Variants in TTC39B observed in about 807,000 individuals in gnomAD.
TTC39B encodes the protein tetratricopeptide repeat domain 39B.
A neutral mutation model predicts 96.6 loss-of-function variants in TTC39B; 92 were observed. That is an observed-to-expected ratio of 0.95 (90% CI 0.80 to 1.13). The LOEUF is 1.13. TTC39B is among the 50% of genes most tolerant of loss of function. The pLI, the probability that TTC39B is intolerant of heterozygous loss-of-function variation, is 0.00. For missense variants in TTC39B, 955 were observed against 809.3 expected, an observed-to-expected ratio of 1.18 and a Z score of -2.18; for synonymous variants, 367 against 299.4, an observed-to-expected ratio of 1.23 and a Z score of -2.33.
chr9:15,212,350 A>G (rs1820252739), intron 4 of TTC39B, among the ~76,000 whole-genome samples: 1 of 150,224 alleles, frequency 6.7e-6, no homozygotes, highest in South Asian at 2.1e-4. Context: ...TTCAAACCTC[A>G]CATTTTTAAC....
chr9:15,192,674 A>C (rs1818925183), exon 9 of TTC39B: 1 of 1,613,924 alleles, frequency 6.2e-7, no homozygotes, highest in Non-Finnish European at 8.5e-7. Context: ...TCTGAATTTC[A>C]TGCAGGATAG....
intron 6 of TTC39B, 95 bp from the exon 7 acceptor site, chr9:15,203,985 A>G: frequency 8.9e-7 from 1 of 1,119,352 alleles, no homozygotes; most frequent in Non-Finnish European, 1.2e-6. Flanking sequence ...AAATGAACCC[A>G]AGAGAGACCC....
intron 1 of TTC39B, among the ~76,000 whole-genome samples, chr9:15,298,071 G>A (rs111538916): frequency 2.4e-4 from 36 of 152,204 alleles, no homozygotes; most frequent in African/African-American, 8.4e-4. Flanking sequence ...GATAGAACAA[G>A]AAGACAGAGG....
intron 1 of TTC39B, among the ~76,000 whole-genome samples, chr9:15,305,693 T>C (rs1261746417): frequency 6.7e-6 from 1 of 150,322 alleles, no homozygotes; most frequent in African/African-American, 2.5e-5. Context: ...GGCTAATGCA[T>C]CTCAACCGTT....
chr9:15,262,113 T>A (rs1822968629), intron 2 of TTC39B, among the ~76,000 whole-genome samples: 2 of 152,140 alleles, frequency 1.3e-5, no homozygotes, highest in Non-Finnish European at 2.9e-5. Flanking sequence ...TATTATTATT[T>A]TTTGAGATGG....
chr9:15,186,945 T>C (rs1818561041), exon 15 of TTC39B: 3 of 1,613,136 alleles, frequency 1.9e-6, no homozygotes, highest in Middle Eastern at 1.7e-4. Context: ...CTCACATACC[T>C]GAATAAAGTT....
At chr9:15,177,123 T>G (rs755113973) in intron 18 of TTC39B, among the ~76,000 whole-genome samples, 7 of 152,220 alleles carry the variant, frequency 4.6e-5, no homozygotes, top group South Asian at 2.1e-4. Flanking sequence ...ATATAGTGGG[T>G]GCTCAAATAT....
At chr9:15,170,946 T>C (rs1407356211) in exon 20 of TTC39B, 1 of 152,242 alleles carries the variant, frequency 6.6e-6, no homozygotes, top group East Asian at 1.9e-4. Context: ...CATCTGTTCT[T>C]TAATCTTGAT....
chr9:15,295,763 G>A (rs970933192), intron 1 of TTC39B, among the ~76,000 whole-genome samples: 2 of 152,236 alleles, frequency 1.3e-5, no homozygotes, highest in South Asian at 4.1e-4. Flanking sequence ...CATGTTCAAA[G>A]TCAGAGAGGA....
At chr9:15,266,937 T>C (rs557272971) in intron 2 of TTC39B, among the ~76,000 whole-genome samples, 56 of 152,134 alleles carry the variant, frequency 3.7e-4, no homozygotes, top group Admixed American at 9.2e-4. Context: ...AAAAATAGCC[T>C]GGCGTGGTGG....
At chr9:15,220,482 T>C (rs1564360702) in intron 3 of TTC39B, among the ~76,000 whole-genome samples, 1 of 152,168 alleles carries the variant, frequency 6.6e-6, no homozygotes, top group Non-Finnish European at 1.5e-5. Flanking sequence ...TATATGAGGA[T>C]ATGACAATAT....
In TTC39B at chr9:15,203,234, C is replaced by A. The variant is rs533353667; in HGVS notation, c.759+589G>T. On this transcript the variant is annotated intron_variant, in intron 7 of 19. Coordinates refer to ENST00000512701, the Ensembl canonical transcript of TTC39B. ...ATCTTAAAATTAGATGTGACGGTTG[C>A]AAAGCAGTTTCTTTAAAGTTTCTTT... 2.0e-5 allele frequency among the ~76,000 whole-genome samples: 3 copies of A among 152,208 alleles called. No homozygotes were observed. The South Asian group carries it at 6.2e-4, about 32-fold the overall frequency.
chr9:15,203,336 C>T (rs1391706601), intron 7 of TTC39B, among the ~76,000 whole-genome samples: 2 of 152,154 alleles, frequency 1.3e-5, no homozygotes, highest in Non-Finnish European at 2.9e-5. Flanking sequence ...CGGAAATCTC[C>T]ACCTCCCAGG....
Position 15,182,916 on chromosome 9 carries a change from G to A in TTC39B, c.1615-501C>T, listed in dbSNP as rs181809547. Among the ~76,000 whole-genome samples, 134 of 152,214 alleles carry A rather than the reference G, an allele frequency of 8.8e-4. No homozygotes were observed. In the Middle Eastern group the frequency reaches 0.017, roughly 19 times the overall value. On this transcript the variant is annotated intron_variant, in intron 16 of 19. Coordinates refer to ENST00000512701, the Ensembl canonical transcript of TTC39B. ...TAATGTAATCCAATATGCAGAAAAC[G>A]TATTCATTTAAAAGCCATATGGCTG...
At chr9:15,238,418 TAGATTTGATAAACAACTTC>T (rs1365727706) in intron 2 of TTC39B, among the ~76,000 whole-genome samples, 3 of 152,206 alleles carry the variant, frequency 2.0e-5, no homozygotes, top group Non-Finnish European at 2.9e-5. Context: ...AAAAGACTCC[TAGATTTGATAAACAACTTC>T]AGTAAAGATA....
At chr9:15,291,783 GA>G (rs1303618048) in intron 1 of TTC39B, among the ~76,000 whole-genome samples, 1 of 152,162 alleles carries the variant, frequency 6.6e-6, no homozygotes, top group Non-Finnish European at 1.5e-5. Context: ...TGACACACCT[GA>G]ATTTCAGATT....
At chr9:15,267,003 T>C (rs374375584) in intron 2 of TTC39B, among the ~76,000 whole-genome samples, 2 of 152,010 alleles carry the variant, frequency 1.3e-5, no homozygotes, top group Non-Finnish European at 2.9e-5. Flanking sequence ...GGCGTGAACC[T>C]GGGAGGCGGA....
At chr9:15,181,031 G>C (rs1403029306) in intron 17 of TTC39B, among the ~76,000 whole-genome samples, 1 of 152,146 alleles carries the variant, frequency 6.6e-6, no homozygotes, top group East Asian at 1.9e-4. Flanking sequence ...AATGGGTGGA[G>C]GAGAGTGACT....
intron 7 of TTC39B, among the ~76,000 whole-genome samples, 171 bp downstream of exon 7, chr9:15,203,652 C>T (rs1586863941): frequency 6.6e-6 from 1 of 152,128 alleles, no homozygotes; most frequent in African/African-American, 2.4e-5. Context: ...AGAGGAGGAA[C>T]AAAGCTCTCT....
Sources: allele counts gnomAD v4.1 joint callset (sites outside exome capture counted in the v4.1 genomes callset), GRCh38; gene constraint gnomAD v4.1.1; transcripts MANE v1.5; gene names NCBI Gene and HGNC (gene_info 2026-07-23, HGNC 2026-07-21).